Variants in NLRP5 observed in about 807,000 individuals in gnomAD.
NLRP5 encodes the protein NACHT, LRR and PYD domains-containing protein 5.
Under a neutral mutation model 113.1 loss-of-function variants are expected in NLRP5, and 93 were observed. That is an observed-to-expected ratio of 0.82 (90% confidence interval 0.70 to 0.98). NLRP5 has a LOEUF of 0.98. Ranked by LOEUF, NLRP5 falls within the 50% of genes least tolerant of loss-of-function variation. NLRP5 has a pLI of 0.00. For synonymous variants in NLRP5, 751 were observed against 600.7 expected (o/e 1.25, Z -3.66); for missense variants, 1,808 against 1,514.3 (o/e 1.19, Z -3.22).
At position 56,019,387 on chromosome 19, in the gene NLRP5, C is replaced by G. The variant is rs1203071384; in HGVS notation, c.611C>G (p.Thr204Arg). ...CAAGAAGGTGCCACAGCAGCAGAGA[C>G]AGAAGAACAAGGTGAGGAAAATAGA... Residue 204 changes from threonine (T) to arginine (R), a missense_variant, in exon 5 of 15, where the codon ACA becomes AGA. Transcript: ENST00000390649. The G allele has an allele frequency of 9.9e-6, 16 of 1,613,872 alleles. No individual in the cohort carries two copies. The highest frequency in any genetic ancestry group is 1.4e-5 in the Non-Finnish European group (16 of 1,179,838).
Position 56,039,340 on chromosome 19 carries a change from T to C in NLRP5, c.2786+1145T>C, listed in dbSNP as rs190451816. On this transcript the variant is annotated intron_variant, in intron 10 of 14. Transcript: ENST00000390649. ...CAGTTTCCTCATCACACTAGACCCA[T>C]GTCAAGAGCTCAGTAGCCATGTGGG... 2.5e-3 allele frequency among the ~76,000 whole-genome samples: 381 copies of C among 152,286 alleles called. 1 individual carries two copies. The highest frequency in any genetic ancestry group is 8.0e-3 in the African/African-American group (333 of 41,572).
In NLRP5 at chr19:56,058,379, G is replaced by A. The variant is rs775027130; in HGVS notation, c.3439G>A (p.Ala1147Thr). ...AATGATGAAGCTGTGTTCGGCCTTT[G>A]CCTGTCCCACGTCTAACTTACAGAT... Residue 1147 changes from alanine to threonine, a missense_variant, in exon 14 of 15, where the codon GCC becomes ACC. Physicochemically the swap from Ala to Thr is moderately conservative, Grantham distance 58. Transcript: ENST00000390649. The A allele has an allele frequency of 1.9e-6, 3 of 1,613,900 alleles. No homozygotes were observed. The Admixed American group carries it at 5.0e-5, about 27-fold the overall frequency.
At chr19:56,005,093 C>CAAAA (rs1163132309) in intron 2 of NLRP5, among the ~76,000 whole-genome samples, 11 of 76,410 alleles carry the variant, frequency 1.4e-4, no homozygotes, top group African/African-American at 5.3e-4. Context: ...GACTGTGTCT[C>CAAAA]AAAAAAAAAA....
At chr19:56,016,188 T>C (rs1425081155) in intron 4 of NLRP5, among the ~76,000 whole-genome samples, 1 of 152,154 alleles carries the variant, frequency 6.6e-6, no homozygotes, top group African/African-American at 2.4e-5. Flanking sequence ...AGTTCTTTTC[T>C]TGTGGCCCAG....
At chr19:56,045,294 G>A (rs1485198430) in intron 11 of NLRP5, among the ~76,000 whole-genome samples, 2 of 152,198 alleles carry the variant, frequency 1.3e-5, no homozygotes, top group African/African-American at 4.8e-5. Context: ...ATGCATCTAA[G>A]TGAAGAGACA....
At chr19:56,047,022 G>T (rs550089096) in intron 11 of NLRP5, among the ~76,000 whole-genome samples, 1 of 151,450 alleles carries the variant, frequency 6.6e-6, no homozygotes, top group South Asian at 2.1e-4. Flanking sequence ...AGGTTTTCTA[G>T]TTTATGTGCA....
intron 13 of NLRP5, among the ~76,000 whole-genome samples, chr19:56,056,122 G>A (rs567728525): frequency 2.0e-5 from 3 of 152,064 alleles, no homozygotes; most frequent in Admixed American, 6.6e-5. Context: ...GGAGACATGC[G>A]CACCTACCTT....
chr19:56,030,489 G>A (rs1393064947), intron 7 of NLRP5, among the ~76,000 whole-genome samples: 1 of 152,098 alleles, frequency 6.6e-6, no homozygotes, highest in African/African-American at 2.4e-5. Flanking sequence ...CTTTTTAGGA[G>A]GTGAGCTCAT....
intron 3 of NLRP5, among the ~76,000 whole-genome samples, chr19:56,015,343 C>T (rs545377511): frequency 1.3e-5 from 2 of 152,170 alleles, no homozygotes; most frequent in African/African-American, 4.8e-5. Flanking sequence ...TACAGGCACA[C>T]GCCACCATGC....
chr19:56,045,807 G>T (rs929096594), intron 11 of NLRP5, among the ~76,000 whole-genome samples: 1 of 152,192 alleles, frequency 6.6e-6, no homozygotes, highest in African/African-American at 2.4e-5. Flanking sequence ...AGGGCACAAT[G>T]CCACAAGGTT....
At chr19:55,992,117 G>A in the NLRP5 span, among the ~76,000 whole-genome samples, 1 of 152,108 alleles carries the variant, frequency 6.6e-6, no homozygotes, top group Non-Finnish European at 1.5e-5. Context: ...AGAACATGTG[G>A]TAGTTGGTTT....
At chr19:56,004,324 G>A (rs1981772759) in intron 2 of NLRP5, among the ~76,000 whole-genome samples, 1 of 152,100 alleles carries the variant, frequency 6.6e-6, no homozygotes, top group Non-Finnish European at 1.5e-5. Flanking sequence ...CACCCACATG[G>A]ACTTCATTGA....
At chr19:56,051,573 C>T (rs957395000) in intron 12 of NLRP5, among the ~76,000 whole-genome samples, 1 of 152,114 alleles carries the variant, frequency 6.6e-6, no homozygotes, top group African/African-American at 2.4e-5. Context: ...TCTCACCACC[C>T]CCCCATCATA....
chr19:56,059,079 A>G (rs1447755425), intron 14 of NLRP5, among the ~76,000 whole-genome samples: 1 of 152,208 alleles, frequency 6.6e-6, no homozygotes, highest in Non-Finnish European at 1.5e-5. Flanking sequence ...TAATAGGTGC[A>G]GAGTTTTAGT....
At chr19:55,993,903 G>A in the NLRP5 span, among the ~76,000 whole-genome samples, 33 of 151,808 alleles carry the variant, frequency 2.2e-4, no homozygotes, top group Non-Finnish European at 4.1e-4. Flanking sequence ...GGACAGTTAG[G>A]TAGATTACAT....
intron 11 of NLRP5, among the ~76,000 whole-genome samples, chr19:56,048,928 G>A (rs189236641): frequency 2.3e-4 from 34 of 146,994 alleles, no homozygotes; most frequent in African/African-American, 8.4e-4. Flanking sequence ...TGTCTTTGGT[G>A]GATTGGGTTA....
At chr19:56,049,213 CTT>C (rs899996644) in intron 11 of NLRP5, among the ~76,000 whole-genome samples, 26 of 148,320 alleles carry the variant, frequency 1.8e-4, no homozygotes, top group African/African-American at 6.2e-4. Flanking sequence ...GAGTTTTACT[CTT>C]GTTGCCCATG....
intron 11 of NLRP5, among the ~76,000 whole-genome samples, chr19:56,050,119 A>C (rs1010316122): frequency 2.6e-5 from 4 of 151,964 alleles, no homozygotes; most frequent in Non-Finnish European, 5.9e-5. Flanking sequence ...ATCTCTACTA[A>C]AAATACAAAA....
intron 3 of NLRP5, among the ~76,000 whole-genome samples, chr19:56,010,234 G>A (rs757070789): frequency 8.3e-4 from 127 of 152,250 alleles, no homozygotes; most frequent in Non-Finnish European, 1.4e-3. Flanking sequence ...ACTGGCTGTC[G>A]TTAGTCATGC....
Sources: allele counts gnomAD v4.1 joint callset (sites outside exome capture counted in the v4.1 genomes callset), GRCh38; gene constraint gnomAD v4.1.1; transcripts MANE v1.5; gene names NCBI Gene and HGNC (gene_info 2026-07-23, HGNC 2026-07-21).